TRPC5: variants seen among roughly 807,000 people sequenced by gnomAD.
TRPC5 encodes short transient receptor potential channel 5.
A neutral mutation model predicts 56.5 loss-of-function variants in TRPC5; 9 were observed. That is an observed-to-expected ratio of 0.16 (90% CI 0.10 to 0.28). TRPC5 has a LOEUF of 0.28. TRPC5 is among the 10% of genes least tolerant of loss of function. TRPC5 has a pLI of 1.00. For missense variants in TRPC5, 469 were observed against 748.9 expected (o/e 0.63, Z 4.36); for synonymous variants, 282 against 278.5 (o/e 1.01, Z -0.13).
intron 3 of TRPC5, among the ~76,000 whole-genome samples, chrX:111,861,500 T>C (rs1448645966): frequency 8.9e-6 from 1 of 111,921 alleles, no homozygotes; most frequent in African/African-American, 3.2e-5. Flanking sequence ...AAAAACAATT[T>C]TTAGTGTTTT....
intron 1 of TRPC5, among the ~76,000 whole-genome samples, chrX:112,029,539 C>T (rs1929527098): frequency 9.0e-6 from 1 of 111,352 alleles, no homozygotes; most frequent in Non-Finnish European, 1.9e-5. Context: ...TTGTACAGCA[C>T]CTTTATTTTA....
At chrX:112,015,214 T>C (rs1045234199) in intron 1 of TRPC5, among the ~76,000 whole-genome samples, 4 of 110,713 alleles carry the variant, frequency 3.6e-5, no homozygotes, top group African/African-American at 1.3e-4. Context: ...TAATTTTTTG[T>C]ATTTTTAGGA....
intron 1 of TRPC5, among the ~76,000 whole-genome samples, chrX:111,975,590 C>G (rs1378655686): frequency 2.7e-5 from 3 of 110,836 alleles, no homozygotes; most frequent in African/African-American, 9.9e-5. Flanking sequence ...CCACACCCCC[C>G]GACAGACTAA....
chrX:111,774,824 C>A lies in TRPC5; in HGVS notation c.*1489G>T, dbSNP rs1049982034. 1.8e-5 allele frequency: 2 copies of A among 110,799 alleles called. No homozygotes were observed. The highest frequency in any genetic ancestry group is 9.7e-5 in the Admixed American group (1 of 10,358). The allele number at this position is 110,799 out of a possible 1,213,427, so 9.1% of individuals were successfully genotyped here. On this transcript the variant is annotated 3_prime_UTR_variant, in exon 11 of 11. Coordinates refer to ENST00000262839, the MANE Select transcript of TRPC5 (RefSeq NM_012471.3). ...CTATTGGTGTTGACATTAAAAAAAA[C>A]AGCGTGACACCTATTTTACTTTTCT... is the stretch of plus-strand genomic sequence containing the variant.
At chrX:111,935,588 G>C (rs1393801206) in intron 2 of TRPC5, among the ~76,000 whole-genome samples, 1 of 111,599 alleles carries the variant, frequency 9.0e-6, no homozygotes, top group African/African-American at 3.3e-5. Context: ...TTTCATGGTA[G>C]TTTCATAGTT....
intron 6 of TRPC5, among the ~76,000 whole-genome samples, chrX:111,836,123 T>C (rs780870016): frequency 1.4e-3 from 155 of 111,798 alleles, no homozygotes; most frequent in African/African-American, 4.9e-3. Flanking sequence ...AACCACTATA[T>C]TGATGGCTTC....
chrX:111,915,187 G>GT (rs1925939121), intron 2 of TRPC5, among the ~76,000 whole-genome samples: 1 of 111,857 alleles, frequency 8.9e-6, no homozygotes, highest in Non-Finnish European at 1.9e-5. Flanking sequence ...CCCGTGAATA[G>GT]TGTTTAGCCC....
At position 111,775,166 on chromosome X, in the gene TRPC5, TTATGA is replaced by T. The variant is rs751276104; in HGVS notation, c.*1142_*1146del. ...TAATTCCATGAATCCACTAGGGTTGTTATGATATATATCTAACATAATTTACACAT... is the reference window on the plus strand; with the variant it reads ...TAATTCCATGAATCCACTAGGGTTGTTATATATCTAACATAATTTACACAT... On this transcript the variant is annotated 3_prime_UTR_variant, in exon 11 of 11. Transcript: ENST00000262839. The T allele has an allele frequency of 2.7e-5, 3 of 112,033 alleles. No individual in the cohort carries two copies. In the South Asian group the frequency reaches 1.1e-3, roughly 42 times the overall value. The allele number at this position is 112,033 out of a possible 1,213,427, so 9.2% of individuals were successfully genotyped here. A position where few individuals can be genotyped will look rare whatever the true frequency, so the allele number is the denominator to read the frequency against.
intron 2 of TRPC5, among the ~76,000 whole-genome samples, chrX:111,931,634 G>C (rs778573986): frequency 2.7e-5 from 3 of 111,881 alleles, no homozygotes; most frequent in South Asian, 3.8e-4. Flanking sequence ...TGCTGACAAG[G>C]GTAGGCTCAG....
At chrX:111,901,740 C>A in intron 3 of TRPC5, 1 of 594,527 alleles carries the variant, frequency 1.7e-6, no homozygotes, top group Non-Finnish European at 2.5e-6. Flanking sequence ...AATTTCTGGC[C>A]TAAACCAACC....
intron 1 of TRPC5, among the ~76,000 whole-genome samples, chrX:112,022,370 C>T (rs1481113997): frequency 8.9e-6 from 1 of 111,914 alleles, no homozygotes; most frequent in East Asian, 2.8e-4. Context: ...GGCCAGAAGT[C>T]CTAGTTATCA....
At chrX:112,005,539 G>T (rs956529778) in intron 1 of TRPC5, among the ~76,000 whole-genome samples, 2 of 109,622 alleles carry the variant, frequency 1.8e-5, no homozygotes, top group African/African-American at 6.7e-5. Flanking sequence ...TAGTCTTACT[G>T]GTGGCCCAAC....
chrX:111,807,619 G>A (rs1247374893), intron 7 of TRPC5, among the ~76,000 whole-genome samples: 2 of 112,139 alleles, frequency 1.8e-5, no homozygotes, highest in Non-Finnish European at 3.8e-5. Context: ...GGATGCTCTT[G>A]ATGCTGGTCC....
intron 1 of TRPC5, among the ~76,000 whole-genome samples, chrX:112,056,210 G>A (rs1930338300): frequency 8.9e-6 from 1 of 111,746 alleles, no homozygotes; most frequent in African/African-American, 3.3e-5. Context: ...TCCATCAGTG[G>A]ACACTCTCAT....
intron 7 of TRPC5, among the ~76,000 whole-genome samples, chrX:111,820,891 G>A (rs1385351119): frequency 8.9e-6 from 1 of 112,061 alleles, no homozygotes. Flanking sequence ...ATATCTCTGA[G>A]TTGATTAATG....
chrX:111,918,429 G>A (rs745513316), intron 2 of TRPC5, among the ~76,000 whole-genome samples: 7 of 111,333 alleles, frequency 6.3e-5, no homozygotes, highest in South Asian at 7.6e-4. Flanking sequence ...GAAAGTAAAA[G>A]GATGGCCTAG....
chrX:111,809,891 T>G (rs186015562), intron 7 of TRPC5, among the ~76,000 whole-genome samples: 3,573 of 109,903 alleles, frequency 0.033, 56 homozygotes, highest in Non-Finnish European at 0.048. Flanking sequence ...TGTTTTTTTT[T>G]TTGTTGTTGT....
rs58747733 is a variant in TRPC5, at chrX:112,035,456, C to CATATAT, written c.-22+46417_-22+46422dup. 6.4e-3 allele frequency among the ~76,000 whole-genome samples: 663 copies of CATATAT among 103,672 alleles called. 4 individuals carry two copies. Among genetic ancestry groups the CATATAT allele is most frequent in the African/African-American group, 0.022 (618 of 28,193 alleles). The allele number at this position is 103,672 out of a possible 115,157, so 90.0% of individuals were successfully genotyped here. On this transcript the variant is annotated intron_variant, in intron 1 of 10. Coordinates refer to ENST00000262839, the MANE Select transcript of TRPC5 (RefSeq NM_012471.3). ...GCTTTGACAGAGATGTCCTTGAACTCATATATATATATATATATGTTTTGC... is the reference window on the plus strand; with the variant it reads ...GCTTTGACAGAGATGTCCTTGAACTCATATATATATATATATATATATATGTTTTGC...
intron 3 of TRPC5, among the ~76,000 whole-genome samples, chrX:111,893,842 T>G (rs1924929716): frequency 8.9e-6 from 1 of 111,888 alleles, no homozygotes; most frequent in Non-Finnish European, 1.9e-5. Flanking sequence ...AGTTTGTAGC[T>G]TTTTCAAAAA....
Sources: allele counts gnomAD v4.1 joint callset (sites outside exome capture counted in the v4.1 genomes callset), GRCh38; gene constraint gnomAD v4.1.1; transcripts MANE v1.5; gene names NCBI Gene and HGNC (gene_info 2026-07-23, HGNC 2026-07-21).